GALNT14: variants seen among roughly 807,000 people sequenced by gnomAD.
The protein encoded by GALNT14 is polypeptide N-acetylgalactosaminyltransferase 14.
Under a neutral mutation model 77.5 loss-of-function variants are expected in GALNT14, and 60 were observed. That is an observed-to-expected ratio of 0.77 (90% confidence interval 0.63 to 0.96). The LOEUF (loss-of-function observed/expected upper bound fraction) is 0.96, where lower values mean the gene tolerates loss of function less well. GALNT14 is among the 40% of genes least tolerant of loss of function. GALNT14 has a pLI of 0.00. For synonymous variants in GALNT14, 280 were observed against 281.7 expected (o/e 0.99, Z 0.06); for missense variants, 710 against 731.0 (o/e 0.97, Z 0.33).
In GALNT14 at chr2:30,929,464, A is replaced by G; in HGVS notation, c.1082T>C (p.Val361Ala). ...YIKNTKRTAE[V>A]WMDEYKQYYY... ...GTATTGCTTGTATTCATCCATCCAC[A>G]CTTCAGCTGTCCGCTTGGTGTTCCT... The change falls in exon 11 of 15, where the codon GTG (valine) becomes GCG (alanine). Residue 361 changes from valine to alanine, a missense_variant. Coordinates refer to ENST00000349752, the MANE Select transcript of GALNT14 (RefSeq NM_024572.4). 2 of 1,614,034 alleles carry G rather than the reference A, an allele frequency of 1.2e-6. No homozygotes were observed. Among genetic ancestry groups the G allele is most frequent in the Non-Finnish European group, 1.7e-6 (2 of 1,179,946 alleles).
At chr2:31,030,296 G>A (rs185070606) in intron 1 of GALNT14, among the ~76,000 whole-genome samples, 8 of 152,056 alleles carry the variant, frequency 5.3e-5, no homozygotes, top group Admixed American at 2.6e-4. Context: ...CACTCCTCTC[G>A]TGGAAATCAC....
At chr2:31,043,143 C>G (rs1673203403) in intron 1 of GALNT14, among the ~76,000 whole-genome samples, 2 of 152,184 alleles carry the variant, frequency 1.3e-5, no homozygotes, top group Non-Finnish European at 2.9e-5. Flanking sequence ...CTTTAGTTTT[C>G]TCTGCCTGGA....
At chr2:31,133,986 G>A (rs1457625937) in intron 1 of GALNT14, among the ~76,000 whole-genome samples, 1 of 152,192 alleles carries the variant, frequency 6.6e-6, no homozygotes, top group Non-Finnish European at 1.5e-5. Flanking sequence ...CTTAAGCCAG[G>A]AGTGTAGCAT....
chr2:31,087,909 T>C (rs1383674689), intron 1 of GALNT14, among the ~76,000 whole-genome samples: 1 of 152,176 alleles, frequency 6.6e-6, no homozygotes, highest in African/African-American at 2.4e-5. Context: ...TTAGTGCCTG[T>C]ATAAAAAGAG....
At chr2:30,942,352 T>G (rs2148281228) in intron 8 of GALNT14, 48 bp from the exon 9 acceptor site, 1 of 1,436,826 alleles carries the variant, frequency 7.0e-7, no homozygotes, top group South Asian at 1.2e-5. Context: ...AGTGGGGAGA[T>G]CACTCTCAAA....
chr2:30,998,105 G>C (rs559682498), intron 1 of GALNT14, among the ~76,000 whole-genome samples: 1 of 152,238 alleles, frequency 6.6e-6, no homozygotes, highest in Admixed American at 6.5e-5. Context: ...GCCAGGCACA[G>C]AAAGACTAAG....
chr2:30,976,994 CT>C (rs1402835274), intron 2 of GALNT14, among the ~76,000 whole-genome samples: 1 of 152,120 alleles, frequency 6.6e-6, no homozygotes, highest in African/African-American at 2.4e-5. Flanking sequence ...TGGTTCCCCC[CT>C]ACCAGTCGGT....
At chr2:31,129,709 T>G in intron 1 of GALNT14, 1 of 952,734 alleles carries the variant, frequency 1.0e-6, no homozygotes, top group Non-Finnish European at 1.2e-6. Context: ...GACCAGTCTC[T>G]ATGGCTGGGA....
At chr2:31,015,995 TGA>T (rs1015494175) in intron 1 of GALNT14, among the ~76,000 whole-genome samples, 29 of 152,288 alleles carry the variant, frequency 1.9e-4, no homozygotes, top group Non-Finnish European at 3.8e-4. Flanking sequence ...AAGGAGATGA[TGA>T]GAGTCACAAA....
chr2:30,896,162 T>C, the GALNT14 span, among the ~76,000 whole-genome samples: 1 of 152,344 alleles, frequency 6.6e-6, no homozygotes, highest in African/African-American at 2.4e-5. Context: ...CACGAAATGC[T>C]ACATCCCCTC....
At chr2:30,948,139 C>T (rs1666816095) in intron 6 of GALNT14, among the ~76,000 whole-genome samples, 1 of 152,230 alleles carries the variant, frequency 6.6e-6, no homozygotes. Flanking sequence ...CACAATTGTT[C>T]CTTGAATTCT....
intron 1 of GALNT14, among the ~76,000 whole-genome samples, chr2:31,032,439 G>C (rs1163619176): frequency 2.6e-5 from 4 of 152,204 alleles, no homozygotes; most frequent in Admixed American, 1.3e-4. Context: ...GCAGTGAAAG[G>C]CAGGGTATTT....
chr2:31,006,338 C>T (rs980496730), intron 1 of GALNT14, among the ~76,000 whole-genome samples: 9 of 151,980 alleles, frequency 5.9e-5, no homozygotes, highest in African/African-American at 1.2e-4. Flanking sequence ...ATAATGACAA[C>T]GACAACTACT....
chr2:31,021,536 T>A (rs1227097224), intron 1 of GALNT14, among the ~76,000 whole-genome samples: 1 of 151,942 alleles, frequency 6.6e-6, no homozygotes, highest in African/African-American at 2.4e-5. Flanking sequence ...GAAGTTCTGA[T>A]CCCAGGTGAT....
intron 1 of GALNT14, among the ~76,000 whole-genome samples, chr2:31,028,550 A>C (rs1558506237): frequency 1.3e-5 from 2 of 152,168 alleles, no homozygotes; most frequent in Non-Finnish European, 1.5e-5. Flanking sequence ...GCCCTTCCCC[A>C]TGGGGTGCTC....
chr2:30,919,219 C>T (rs1299781569), intron 13 of GALNT14, among the ~76,000 whole-genome samples: 1 of 149,730 alleles, frequency 6.7e-6, no homozygotes, highest in African/African-American at 2.5e-5. Flanking sequence ...TCGGGCTTCA[C>T]ATGTTTACAA....
At chr2:30,967,791 C>T (rs1192997741) in intron 2 of GALNT14, among the ~76,000 whole-genome samples, 2 of 152,180 alleles carry the variant, frequency 1.3e-5, no homozygotes, top group Non-Finnish European at 2.9e-5. Flanking sequence ...CATAGCTCTG[C>T]CAAAGCTTCC....
In GALNT14 at chr2:31,059,366, A is replaced by G. The variant is rs1674441548; in HGVS notation, c.130-66359T>C. ...CCTAAACTGTTACTTATCCTGAATA[A>G]ATACTCTCAGGAATTCAATTTGATA... On this transcript the variant is annotated intron_variant, in intron 1 of 14. Transcript: ENST00000349752. 2.6e-5 allele frequency among the ~76,000 whole-genome samples: 4 copies of G among 152,292 alleles called. No homozygotes were observed. The South Asian group carries it at 8.3e-4, about 32-fold the overall frequency.
chr2:31,027,592 T>C (rs1447160327), intron 1 of GALNT14, among the ~76,000 whole-genome samples: 4 of 152,116 alleles, frequency 2.6e-5, no homozygotes, highest in African/African-American at 9.7e-5. Context: ...TTGGCAACTT[T>C]AGGAAGAAAC....
Sources: gnomAD v4.1 joint callset for allele counts (sites outside exome capture counted in the v4.1 genomes callset) on GRCh38, gnomAD v4.1.1 for gene constraint, MANE v1.5 for transcripts, NCBI Gene and HGNC (gene_info 2026-07-23, HGNC 2026-07-21) for gene names.